Variants in SNTG1 observed in about 807,000 individuals in gnomAD.
SNTG1 encodes the protein syntrophin gamma 1.
A neutral mutation model predicts 74.7 loss-of-function variants in SNTG1; 39 were observed. The observed-to-expected ratio is 0.52, with a 90% CI of 0.40 to 0.68. SNTG1 has a LOEUF of 0.68. Ranked by LOEUF, SNTG1 falls within the 30% of genes least tolerant of loss-of-function variation. The pLI is 0.00. For synonymous variants in SNTG1, 254 were observed against 217.1 expected (o/e 1.17, Z -1.49); for missense variants, 685 against 609.5 (o/e 1.12, Z -1.30).
At chr8:50,750,725 G>C (rs968780038) in intron 17 of SNTG1, among the ~76,000 whole-genome samples, 2 of 152,006 alleles carry the variant, frequency 1.3e-5, no homozygotes, top group East Asian at 3.9e-4. Flanking sequence ...TTTAATTAAG[G>C]TATATACATT....
intron 1 of SNTG1, among the ~76,000 whole-genome samples, chr8:50,022,746 T>C (rs1249735106): frequency 6.6e-6 from 1 of 152,178 alleles, no homozygotes; most frequent in Admixed American, 6.5e-5. Context: ...TAGGAAATAG[T>C]GTCCATGTTG....
chr8:49,981,061 T>A (rs956766946), intron 1 of SNTG1, among the ~76,000 whole-genome samples: 1 of 152,132 alleles, frequency 6.6e-6, no homozygotes, highest in Non-Finnish European at 1.5e-5. Context: ...TAGATGCAGA[T>A]GAGTGTCTAA....
At chr8:50,041,314 C>G (rs1392110707) in intron 1 of SNTG1, among the ~76,000 whole-genome samples, 1 of 152,140 alleles carries the variant, frequency 6.6e-6, no homozygotes, top group Non-Finnish European at 1.5e-5. Context: ...TGGGTACAGG[C>G]AGAGTCACTA....
chr8:50,681,785 T>C (rs1009799250), intron 15 of SNTG1, among the ~76,000 whole-genome samples: 2 of 152,216 alleles, frequency 1.3e-5, no homozygotes, highest in African/African-American at 4.8e-5. Context: ...CTAAATTTAT[T>C]CAGAGCTCTC....
chr8:50,519,928 G>GA (rs199897469), intron 9 of SNTG1, among the ~76,000 whole-genome samples: 5,795 of 151,244 alleles, frequency 0.038, 154 homozygotes, highest in Non-Finnish European at 0.062. Flanking sequence ...CACAGAATTT[G>GA]AAAAAAAACT....
intron 2 of SNTG1, among the ~76,000 whole-genome samples, chr8:50,194,718 G>A (rs1246749488): frequency 6.6e-6 from 1 of 151,754 alleles, no homozygotes; most frequent in African/African-American, 2.4e-5. Flanking sequence ...GTTTGGGTTT[G>A]GATTATTCTT....
chr8:50,220,130 G>A (rs1431435475), intron 2 of SNTG1, among the ~76,000 whole-genome samples: 1 of 151,994 alleles, frequency 6.6e-6, no homozygotes, highest in Non-Finnish European at 1.5e-5. Flanking sequence ...CCAAATCAAA[G>A]CCTCAAAAAA....
At chr8:50,489,095 A>AG (rs2093825904) in intron 8 of SNTG1, among the ~76,000 whole-genome samples, 1 of 152,334 alleles carries the variant, frequency 6.6e-6, no homozygotes, top group African/African-American at 2.4e-5. Flanking sequence ...TGTCCCCACA[A>AG]GGGATATGAA....
At chr8:50,589,093 C>A (rs562292639) in intron 12 of SNTG1, among the ~76,000 whole-genome samples, 1 of 152,012 alleles carries the variant, frequency 6.6e-6, no homozygotes, top group Non-Finnish European at 1.5e-5. Context: ...ATTGCTCCCA[C>A]TTTCTTGCCT....
chr8:50,672,131 A>G (rs1455014562), intron 15 of SNTG1, among the ~76,000 whole-genome samples: 5 of 151,560 alleles, frequency 3.3e-5, no homozygotes, highest in Non-Finnish European at 5.9e-5. Context: ...GCAGCATGGC[A>G]CATGTATACA....
intron 17 of SNTG1, among the ~76,000 whole-genome samples, chr8:50,747,431 G>C (rs1366048365): frequency 8.4e-6 from 1 of 118,506 alleles, no homozygotes; most frequent in Admixed American, 7.7e-5. Context: ...AGTACTACAA[G>C]TTTTTTTGTG....
intron 15 of SNTG1, among the ~76,000 whole-genome samples, chr8:50,673,266 G>C (rs1199098504): frequency 6.6e-6 from 1 of 152,160 alleles, no homozygotes; most frequent in Non-Finnish European, 1.5e-5. Context: ...ATTAATTTGG[G>C]CATTGTGGCC....
At chr8:50,604,379 G>A (rs2094796995) in intron 13 of SNTG1, among the ~76,000 whole-genome samples, 1 of 151,674 alleles carries the variant, frequency 6.6e-6, no homozygotes. Context: ...TCACACCACT[G>A]CACTTCAGCC....
At chr8:50,087,003 G>T (rs1268574608) in intron 1 of SNTG1, among the ~76,000 whole-genome samples, 1 of 152,132 alleles carries the variant, frequency 6.6e-6, no homozygotes, top group Non-Finnish European at 1.5e-5. Flanking sequence ...CAAGGTCATT[G>T]TTCTTTTATT....
rs546997491 is a variant in SNTG1 at position 50,337,944 on chromosome 8, A to G, written c.-27-56268A>G. On this transcript the variant is annotated intron_variant, in intron 2 of 18. Coordinates refer to ENST00000642720, the MANE Select transcript of SNTG1 (RefSeq NM_018967.5). ...GAGGTCAGGAGATCGAGACCATCCT[A>G]GCTAACACGGTGAAACCCCGTCTCT... 1.5e-4 allele frequency among the ~76,000 whole-genome samples: 23 copies of G among 152,082 alleles called. No homozygotes were observed. The South Asian group carries it at 2.3e-3, about 15-fold the overall frequency.
intron 1 of SNTG1, among the ~76,000 whole-genome samples, chr8:49,982,834 C>G (rs1319248614): frequency 6.6e-6 from 1 of 152,112 alleles, no homozygotes; most frequent in Non-Finnish European, 1.5e-5. Flanking sequence ...CTACAATACT[C>G]ATAGAAGATG....
At chr8:50,787,323 T>TA (rs1554635417) in intron 18 of SNTG1, among the ~76,000 whole-genome samples, 1 of 151,726 alleles carries the variant, frequency 6.6e-6, no homozygotes, top group Non-Finnish European at 1.5e-5. Context: ...AATATTTTTT[T>TA]AAAAAAAGAA....
chr8:50,505,679 A>G (rs952675911), intron 9 of SNTG1, among the ~76,000 whole-genome samples: 1 of 152,140 alleles, frequency 6.6e-6, no homozygotes, highest in Non-Finnish European at 1.5e-5. Context: ...ATTCAAGTCT[A>G]CTATCCAGTT....
At chr8:50,090,305 T>C (rs2079673037) in intron 1 of SNTG1, among the ~76,000 whole-genome samples, 1 of 152,156 alleles carries the variant, frequency 6.6e-6, no homozygotes, top group African/African-American at 2.4e-5. Context: ...GAGGTAAGGA[T>C]AGAGCTGGGT....
Sources: gnomAD v4.1 joint callset for allele counts (sites outside exome capture counted in the v4.1 genomes callset) on GRCh38, gnomAD v4.1.1 for gene constraint, MANE v1.5 for transcripts, NCBI Gene and HGNC (gene_info 2026-07-23, HGNC 2026-07-21) for gene names.